The following GPC5 variants were observed in gnomAD, a reference collection of about 807,000 sequenced individuals.
GPC5 encodes glypican-5.
A neutral mutation model predicts 53.9 loss-of-function variants in GPC5; 47 were observed. The observed-to-expected ratio is 0.87, with a 90% CI of 0.69 to 1.11. The LOEUF (loss-of-function observed/expected upper bound fraction) is 1.11, where lower values mean the gene tolerates loss of function less well. GPC5 is among the 50% of genes most tolerant of loss of function. The pLI is 0.00. For synonymous variants in GPC5, 286 were observed against 263.3 expected, an observed-to-expected ratio of 1.09 and a Z score of -0.84; for missense variants, 748 against 713.1, an observed-to-expected ratio of 1.05 and a Z score of -0.56.
chr13:91,663,394 T>A (rs1048166255), intron 2 of GPC5, among the ~76,000 whole-genome samples: 14 of 152,200 alleles, frequency 9.2e-5, no homozygotes, highest in African/African-American at 3.1e-4. Context: ...TGTATAAATA[T>A]ATGTGCTTAT....
chr13:92,241,374 T>G (rs2042610355), intron 7 of GPC5: 2 of 152,292 alleles, frequency 1.3e-5, no homozygotes, highest in Middle Eastern at 6.8e-3. Context: ...TAATATTATT[T>G]GCATGATAAG....
At chr13:91,712,116 G>C (rs1017322369) in intron 3 of GPC5, among the ~76,000 whole-genome samples, 1 of 152,154 alleles carries the variant, frequency 6.6e-6, no homozygotes, top group Non-Finnish European at 1.5e-5. Flanking sequence ...CCAGAGAGAT[G>C]AGAGTAAACA....
At chr13:92,768,351 GC>G (rs1221615964) in intron 7 of GPC5, among the ~76,000 whole-genome samples, 1 of 152,002 alleles carries the variant, frequency 6.6e-6, no homozygotes, top group Non-Finnish European at 1.5e-5. Context: ...CACCTTATGA[GC>G]CTAATTTTTC....
intron 2 of GPC5, among the ~76,000 whole-genome samples, chr13:91,670,988 C>G (rs2035231272): frequency 6.6e-6 from 1 of 152,192 alleles, no homozygotes; most frequent in South Asian, 2.1e-4. Flanking sequence ...TTTTACTCTT[C>G]ATGTTTGACA....
At chr13:92,634,686 G>A (rs1294043704) in intron 7 of GPC5, among the ~76,000 whole-genome samples, 1 of 151,402 alleles carries the variant, frequency 6.6e-6, no homozygotes, top group Non-Finnish European at 1.5e-5. Context: ...GTGTACCTGG[G>A]GTATACATTT....
intron 2 of GPC5, among the ~76,000 whole-genome samples, chr13:91,451,646 C>A (rs1285550274): frequency 6.6e-6 from 1 of 151,010 alleles, no homozygotes; most frequent in Non-Finnish European, 1.5e-5. Context: ...GAGGTGGAGT[C>A]TTGTTCTGTC....
chr13:92,670,867 C>A (rs1459810239), intron 7 of GPC5, among the ~76,000 whole-genome samples: 1 of 152,134 alleles, frequency 6.6e-6, no homozygotes, highest in East Asian at 1.9e-4. Context: ...TTCCACCTTG[C>A]AGTCCTGGAG....
intron 7 of GPC5, among the ~76,000 whole-genome samples, chr13:92,155,770 TCTAA>T (rs1223646524): frequency 6.6e-6 from 1 of 152,144 alleles, no homozygotes; most frequent in African/African-American, 2.4e-5. Flanking sequence ...TTTTGAGATC[TCTAA>T]CTTCTTTCCT....
intron 7 of GPC5, among the ~76,000 whole-genome samples, chr13:92,369,809 A>AT (rs1323688230): frequency 1.3e-5 from 2 of 152,120 alleles, no homozygotes; most frequent in East Asian, 1.9e-4. Context: ...TTTATAGTGT[A>AT]TTTTTTCAAG....
chr13:91,623,881 T>A (rs2033931711), intron 2 of GPC5, among the ~76,000 whole-genome samples: 1 of 152,096 alleles, frequency 6.6e-6, no homozygotes, highest in African/African-American at 2.4e-5. Flanking sequence ...CTTATGGTAA[T>A]GGGATTTAGG....
chr13:92,279,123 T>C (rs1423562448), intron 7 of GPC5, among the ~76,000 whole-genome samples: 1 of 152,100 alleles, frequency 6.6e-6, no homozygotes, highest in Non-Finnish European at 1.5e-5. Flanking sequence ...AGTTTTGTTC[T>C]ATTAACAATA....
intron 6 of GPC5, among the ~76,000 whole-genome samples, chr13:91,968,961 T>C (rs760553544): frequency 1.3e-5 from 2 of 152,078 alleles, no homozygotes; most frequent in Non-Finnish European, 2.9e-5. Flanking sequence ...TTTTTTCTAT[T>C]TCTTTTCCTG....
At chr13:91,972,124 G>A (rs1189786875) in intron 6 of GPC5, among the ~76,000 whole-genome samples, 1 of 151,920 alleles carries the variant, frequency 6.6e-6, no homozygotes, top group African/African-American at 2.4e-5. Context: ...GGTCACTAAG[G>A]ACTTGCTTTA....
At chr13:92,831,156 CT>C in intron 7 of GPC5, among the ~76,000 whole-genome samples, 1 of 152,212 alleles carries the variant, frequency 6.6e-6, no homozygotes. Flanking sequence ...GTATTCATGG[CT>C]AGGCTTGGCT....
chr13:92,778,415 CA>C, intron 7 of GPC5, among the ~76,000 whole-genome samples: 1 of 152,154 alleles, frequency 6.6e-6, no homozygotes, highest in Non-Finnish European at 1.5e-5. Context: ...GATTCAGAAT[CA>C]CAGTTCTTAA....
At chr13:91,952,559 C>G (rs2040037085) in intron 6 of GPC5, among the ~76,000 whole-genome samples, 1 of 151,940 alleles carries the variant, frequency 6.6e-6, no homozygotes, top group South Asian at 2.1e-4. Context: ...ATAAACAAAC[C>G]AGAAACCTTG....
intron 2 of GPC5, among the ~76,000 whole-genome samples, chr13:91,660,479 G>C (rs373561713): frequency 2.6e-5 from 4 of 152,134 alleles, no homozygotes; most frequent in African/African-American, 9.7e-5. Flanking sequence ...CTGCATTCCC[G>C]GCAGATTCCC....
intron 2 of GPC5, among the ~76,000 whole-genome samples, chr13:91,590,374 C>G (rs2032753442): frequency 6.6e-6 from 1 of 151,948 alleles, no homozygotes; most frequent in Non-Finnish European, 1.5e-5. Flanking sequence ...TTTTCTTCAC[C>G]TATTTGTTAA....
chr13:92,729,478 A>C (rs914596454), intron 7 of GPC5, among the ~76,000 whole-genome samples: 4 of 151,440 alleles, frequency 2.6e-5, no homozygotes, highest in African/African-American at 9.7e-5. Flanking sequence ...AGTTAAATGA[A>C]ACATATTAAG....
Sources: allele counts gnomAD v4.1 joint callset (sites outside exome capture counted in the v4.1 genomes callset), GRCh38; gene constraint gnomAD v4.1.1; transcripts MANE v1.5; gene names NCBI Gene and HGNC (gene_info 2026-07-23, HGNC 2026-07-21).